BRINP1: variants seen among roughly 807,000 people sequenced by gnomAD.
BRINP1 encodes the protein BMP/retinoic acid inducible neural specific 1.
A neutral mutation model predicts 72.9 loss-of-function variants in BRINP1; 17 were observed. That is an observed-to-expected ratio of 0.23 (90% confidence interval 0.16 to 0.35). The LOEUF (loss-of-function observed/expected upper bound fraction) is 0.35. BRINP1 is among the 10% of genes least tolerant of loss of function. The pLI is 1.00. For synonymous variants in BRINP1, 418 were observed against 378.5 expected, an observed-to-expected ratio of 1.10 and a Z score of -1.21; for missense variants, 850 against 1,001.6, an observed-to-expected ratio of 0.85 and a Z score of 2.04.
chr9:119,346,434 G>T (rs1388145340), intron 1 of BRINP1, among the ~76,000 whole-genome samples: 1 of 152,158 alleles, frequency 6.6e-6, no homozygotes, highest in Non-Finnish European at 1.5e-5. Flanking sequence ...AACAGACACT[G>T]CAATCACCGT....
At chr9:119,204,643 C>T (rs1170388341) in intron 7 of BRINP1, among the ~76,000 whole-genome samples, 2 of 152,156 alleles carry the variant, frequency 1.3e-5, no homozygotes, top group African/African-American at 2.4e-5. Flanking sequence ...TAAGTGACAG[C>T]TCCTTCCCTT....
chr9:119,180,618 G>C (rs1348546809), intron 7 of BRINP1, among the ~76,000 whole-genome samples: 2 of 152,112 alleles, frequency 1.3e-5, no homozygotes, highest in African/African-American at 4.8e-5. Context: ...GGATGTGCTA[G>C]TATGAATTAT....
chr9:119,249,744 A>G (rs1036156328), intron 2 of BRINP1, among the ~76,000 whole-genome samples: 3 of 151,252 alleles, frequency 2.0e-5, no homozygotes, highest in Non-Finnish European at 4.4e-5. Flanking sequence ...AGCCCTGTAT[A>G]TAGCTCAGTG....
At chr9:119,265,028 T>G (rs1830534006) in intron 2 of BRINP1, among the ~76,000 whole-genome samples, 1 of 152,216 alleles carries the variant, frequency 6.6e-6, no homozygotes, top group African/African-American at 2.4e-5. Context: ...TGTTTTTCTT[T>G]TGTTGTTATG....
At chr9:119,173,434 A>G (rs939908238) in intron 7 of BRINP1, among the ~76,000 whole-genome samples, 1 of 151,272 alleles carries the variant, frequency 6.6e-6, no homozygotes. Flanking sequence ...AGGGATGTGA[A>G]GGACCTCTTC....
chr9:119,225,491 T>C (rs1830080717), intron 5 of BRINP1, among the ~76,000 whole-genome samples: 1 of 152,134 alleles, frequency 6.6e-6, no homozygotes. Context: ...TTACTTATGA[T>C]ACTTAATACA....
chr9:119,169,906 T>C (rs230095), intron 7 of BRINP1, among the ~76,000 whole-genome samples: 13,036 of 151,754 alleles, frequency 0.086, 1,728 homozygotes, highest in African/African-American at 0.29. Flanking sequence ...TCCAACAGAC[T>C]TGCAGCTGAG....
At position 119,167,047 on chromosome 9, in the gene BRINP1, A is replaced by C; in HGVS notation, c.*37T>G. ...CTTCATTTTGTTCTGTTGTGTGTGT[A>C]CAACAACAGGAAAAGTCCATGGCAA... On this transcript the variant is annotated 3_prime_UTR_variant, in exon 8 of 8. Coordinates refer to ENST00000265922, the MANE Select transcript of BRINP1 (RefSeq NM_014618.3). This position sits in a 1 kb window ranked among gnomAD's most constrained non-coding sequence, Gnocchi z 4.3. 3.9e-6 allele frequency: 6 copies of C among 1,550,200 alleles called. No homozygotes were observed. The highest frequency in any genetic ancestry group is 5.2e-6 in the Non-Finnish European group (6 of 1,144,338).
intron 1 of BRINP1, among the ~76,000 whole-genome samples, chr9:119,314,138 G>A (rs1164879949): frequency 2.6e-5 from 4 of 152,170 alleles, no homozygotes; most frequent in Admixed American, 6.6e-5. Flanking sequence ...GTCTTTTGGT[G>A]ACTCAGCCTC....
At chr9:119,247,823 G>A (rs1393038785) in intron 3 of BRINP1, among the ~76,000 whole-genome samples, 3 of 152,024 alleles carry the variant, frequency 2.0e-5, no homozygotes, top group Admixed American at 2.0e-4. Flanking sequence ...GAGGTAATAT[G>A]ACATGTGCAG....
At chr9:119,353,374 C>G (rs1043685885) in intron 1 of BRINP1, among the ~76,000 whole-genome samples, 2 of 152,154 alleles carry the variant, frequency 1.3e-5, no homozygotes, top group African/African-American at 4.8e-5. Flanking sequence ...TGTATATTAA[C>G]TATTCAATCC....
chr9:119,175,864 C>CAATT (rs1279992183), intron 7 of BRINP1, among the ~76,000 whole-genome samples: 1 of 152,102 alleles, frequency 6.6e-6, no homozygotes, highest in East Asian at 1.9e-4. Flanking sequence ...ATATTCACTC[C>CAATT]AATTTTCTCG....
chr9:119,185,337 AC>A (rs1416954767), intron 7 of BRINP1, among the ~76,000 whole-genome samples: 1 of 152,222 alleles, frequency 6.6e-6, no homozygotes, highest in Non-Finnish European at 1.5e-5. Flanking sequence ...ATGCACCTAG[AC>A]AGCGGCTGAA....
At position 119,289,275 on chromosome 9, in the gene BRINP1, G is replaced by T. The variant is rs572030504; in HGVS notation, c.218+23863C>A. On this transcript the variant is annotated intron_variant, in intron 2 of 7. Coordinates refer to ENST00000265922, the MANE Select transcript of BRINP1 (RefSeq NM_014618.3). ...TTGGGTGTGGCCTTGCCAACATAAAGAAATGCAATACTCAGAAAATGACTG... is the reference window on the plus strand; with the variant it reads ...TTGGGTGTGGCCTTGCCAACATAAATAAATGCAATACTCAGAAAATGACTG... Among the ~76,000 whole-genome samples the T allele has an allele frequency of 7.9e-4, 120 of 152,328 alleles. 1 individual carries two copies. The highest frequency in any genetic ancestry group is 2.8e-3 in the African/African-American group (116 of 41,586).
intron 2 of BRINP1, among the ~76,000 whole-genome samples, chr9:119,269,302 T>G (rs182437206): frequency 1.3e-5 from 2 of 152,350 alleles, no homozygotes; most frequent in African/African-American, 4.8e-5. Flanking sequence ...TCCCGTTGAG[T>G]GCAGGAACTT....
In BRINP1 at chr9:119,346,054, C is replaced by T. The variant is rs373602726; in HGVS notation, c.-51+23002G>A. 2.0e-5 allele frequency among the ~76,000 whole-genome samples: 3 copies of T among 152,092 alleles called. No homozygotes were observed. The East Asian group carries it at 5.8e-4, about 29-fold the overall frequency. ...CCACAAAGCATACTCAACTCTGATG[C>T]CTTGACGGTAGGATTTATATCACAT... On this transcript the variant is annotated intron_variant, in intron 1 of 7. Transcript: ENST00000265922.
intron 2 of BRINP1, among the ~76,000 whole-genome samples, chr9:119,251,156 C>A (rs927559885): frequency 6.6e-6 from 1 of 152,148 alleles, no homozygotes; most frequent in African/African-American, 2.4e-5. Flanking sequence ...CCACTGAGTA[C>A]CTTGCATGTT....
In BRINP1 at chr9:119,167,672, G is replaced by T. The variant is rs1160652241; in HGVS notation, c.1698C>A (p.Pro566=). The change falls in exon 8 of 8, where the codon CCC becomes CCA. Residue 566 remains proline (P), a synonymous_variant. Coordinates refer to ENST00000265922, the MANE Select transcript of BRINP1 (RefSeq NM_014618.3). The surrounding 1 kb of genome is among the most constrained non-coding windows in gnomAD (Gnocchi z 4.3). ...AGCCCTCCGAATGGCTCCCGCTAAA[G>T]GGGTTGACATAGACAAAGAACATGG... ...LDPMFFVYVN[P]FSGSHSEGWN... 1 of 1,614,170 alleles carries T rather than the reference G, an allele frequency of 6.2e-7. No individual in the cohort carries two copies. The highest frequency in any genetic ancestry group is 1.7e-5 in the Admixed American group (1 of 60,032).
Position 119,368,647 on chromosome 9 carries a change from A to G in BRINP1, c.-51+409T>C, listed in dbSNP as rs1831720625. On this transcript the variant is annotated intron_variant, in intron 1 of 7. Transcript: ENST00000265922. This position sits in a 1 kb window ranked among gnomAD's most constrained non-coding sequence, Gnocchi z 4.7. ...TACAAACACATACGTACAAACATGC[A>G]CACACACATCGCGCCGTAAGTAGGT... 6.6e-6 allele frequency among the ~76,000 whole-genome samples: 1 copy of G among 152,084 alleles called. No homozygotes were observed. The highest frequency in any genetic ancestry group is 2.1e-4 in the South Asian group (1 of 4,822).
Sources: allele counts gnomAD v4.1 joint callset (sites outside exome capture counted in the v4.1 genomes callset), GRCh38; gene constraint gnomAD v4.1.1; non-coding constraint Gnocchi (gnomAD v3.1); transcripts MANE v1.5; gene names NCBI Gene and HGNC (gene_info 2026-07-23, HGNC 2026-07-21).